The following ACSM2A variants were observed in gnomAD, a reference collection of about 807,000 sequenced individuals.
ACSM2A encodes the protein acyl-CoA synthetase medium chain family member 2A.
In ACSM2A, 72 loss-of-function variants were observed where a neutral mutation model predicts 76.6. The observed-to-expected ratio is 0.94, with a 90% CI of 0.78 to 1.14. ACSM2A has a LOEUF of 1.14. Among genes scored for constraint, ACSM2A ranks in the 50% most tolerant of loss-of-function variants. ACSM2A has a pLI of 0.00. For synonymous variants in ACSM2A, 249 were observed against 255.9 expected, an observed-to-expected ratio of 0.97 and a Z score of 0.26; for missense variants, 684 against 708.5, an observed-to-expected ratio of 0.97 and a Z score of 0.39.
At position 20,465,773 on chromosome 16, in the gene ACSM2A, A is replaced by C. The variant is rs1402553559; in HGVS notation, c.388+46A>C. On this transcript the variant is annotated intron_variant, in intron 3 of 13. Coordinates refer to ENST00000573854, the MANE Select transcript of ACSM2A (RefSeq NM_001308172.2). ...ACAGAGAACTGTCTTCCTTGTGAAG[A>C]AAACTGATAGCAGAGAAATGCAGCC... is the stretch of plus-strand genomic sequence containing the variant. 4 of 1,595,198 alleles carry C rather than the reference A, an allele frequency of 2.5e-6. No homozygotes were observed. The African/African-American group carries it at 5.4e-5, about 21-fold the overall frequency.
intron 1 of ACSM2A, among the ~76,000 whole-genome samples, chr16:20,458,759 G>A (rs908580431): frequency 3.0e-4 from 42 of 141,524 alleles, no homozygotes; most frequent in African/African-American, 9.7e-4. Context: ...AGCTTGGAAG[G>A]AAGAAAGGCA....
chr16:20,457,623 T>C (rs956189345), intron 1 of ACSM2A, among the ~76,000 whole-genome samples: 1 of 152,054 alleles, frequency 6.6e-6, no homozygotes, highest in Non-Finnish European at 1.5e-5. Flanking sequence ...CATCCTCTTA[T>C]GATTAAAACC....
At chr16:20,466,697 A>C (rs34796877) in intron 3 of ACSM2A, among the ~76,000 whole-genome samples, 1 of 139,932 alleles carries the variant, frequency 7.1e-6, no homozygotes, top group Non-Finnish European at 1.6e-5. Flanking sequence ...TCACAGAACT[A>C]GTTGAGTTAG....
intron 2 of ACSM2A, among the ~76,000 whole-genome samples, chr16:20,461,919 G>C (rs1272013907): frequency 1.3e-5 from 2 of 152,126 alleles, no homozygotes; most frequent in African/African-American, 4.8e-5. Flanking sequence ...AATTTGGAGG[G>C]CAGGGGGCTA....
intron 9 of ACSM2A, 148 bp downstream of exon 9, chr16:20,477,597 G>T (rs371289801): frequency 7.1e-7 from 1 of 1,412,992 alleles, no homozygotes; most frequent in Non-Finnish European, 9.3e-7. Context: ...GAGGTTGGGG[G>T]AAGGAAAGAG....
chr16:20,470,909 A>T, intron 4 of ACSM2A, 164 bp from the exon 5 acceptor site: 2 of 1,117,788 alleles, frequency 1.8e-6, no homozygotes, highest in Non-Finnish European at 2.6e-6. Flanking sequence ...CCCAACTCTG[A>T]TTGACTCAGA....
intron 9 of ACSM2A, 119 bp downstream of exon 9, chr16:20,477,568 A>C (rs1028529113): frequency 1.3e-5 from 19 of 1,452,380 alleles, no homozygotes; most frequent in Middle Eastern, 1.9e-4. Context: ...AAGATAACAT[A>C]AGAAAAAAAG....
intron 10 of ACSM2A, among the ~76,000 whole-genome samples, chr16:20,479,825 G>A (rs575759844): frequency 9.1e-4 from 139 of 152,294 alleles, no homozygotes; most frequent in African/African-American, 3.1e-3. Flanking sequence ...TCAATCCAGT[G>A]GCCAAGAAAC....
intron 4 of ACSM2A, chr16:20,470,724 G>T: frequency 2.1e-6 from 1 of 474,504 alleles, no homozygotes; most frequent in South Asian, 1.6e-5. Context: ...ACAACAATTA[G>T]ATTAGCATTT....
chr16:20,485,206 C>T (rs1033357787), intron 13 of ACSM2A, among the ~76,000 whole-genome samples: 28 of 152,100 alleles, frequency 1.8e-4, no homozygotes, highest in African/African-American at 6.3e-4. Flanking sequence ...AAAGATATTA[C>T]GAATGTTTAA....
At chr16:20,461,581 T>C (rs566695876) in intron 2 of ACSM2A, among the ~76,000 whole-genome samples, 10 of 152,118 alleles carry the variant, frequency 6.6e-5, no homozygotes, top group Non-Finnish European at 1.3e-4. Context: ...AAGTTAATAA[T>C]ATAAAGTGAG....
intron 4 of ACSM2A, among the ~76,000 whole-genome samples, chr16:20,470,576 C>T (rs1243946097): frequency 2.6e-5 from 4 of 152,158 alleles, no homozygotes; most frequent in Non-Finnish European, 5.9e-5. Flanking sequence ...CTTTTAAAGG[C>T]TCAAAATCAG....
intron 9 of ACSM2A, 40 bp from the exon 10 acceptor site, chr16:20,478,536 T>C: frequency 1.9e-6 from 3 of 1,601,542 alleles, no homozygotes; most frequent in East Asian, 2.2e-5. Flanking sequence ...AGCCATCTCC[T>C]GCTGTGTGCA....
chr16:20,454,693 G>A (rs2012016890), intron 1 of ACSM2A, among the ~76,000 whole-genome samples: 1 of 151,848 alleles, frequency 6.6e-6, no homozygotes, highest in South Asian at 2.1e-4. Context: ...CTCTAACATA[G>A]CCTACCCAAA....
intron 8 of ACSM2A, 104 bp downstream of exon 8, chr16:20,475,877 A>G: frequency 6.4e-7 from 1 of 1,563,562 alleles, no homozygotes; most frequent in Non-Finnish European, 8.6e-7. Flanking sequence ...CATCTATTCG[A>G]GAAGTATTTA....
chr16:20,480,900 C>T lies in ACSM2A; in HGVS notation c.1488C>T (p.Ser496=). ...TGGTTGAGACGGCTGTGATCAGCAGCCCAGACCCCGTCCGAGGAGAGGTGA... is the reference window on the plus strand; with the variant it reads ...TGGTTGAGACGGCTGTGATCAGCAGTCCAGACCCCGTCCGAGGAGAGGTGA... ...PAVVETAVIS[S]PDPVRGEVVK... is the part of the protein sequence containing the mutation. The change falls in exon 12 of 14, where the codon AGC becomes AGT. Residue 496 remains serine, a synonymous_variant. Coordinates refer to ENST00000573854, the MANE Select transcript of ACSM2A (RefSeq NM_001308172.2). 3.1e-6 allele frequency: 5 copies of T among 1,613,908 alleles called. No homozygotes were observed. Among genetic ancestry groups the T allele is most frequent in the Non-Finnish European group, 3.4e-6 (4 of 1,179,850 alleles).
intron 3 of ACSM2A, among the ~76,000 whole-genome samples, chr16:20,468,776 G>A (rs2013178070): frequency 6.6e-6 from 1 of 152,202 alleles, no homozygotes; most frequent in South Asian, 2.1e-4. Flanking sequence ...TCATTTATGT[G>A]CAAGGAATAA....
chr16:20,455,676 C>T (rs2012107789), intron 1 of ACSM2A, among the ~76,000 whole-genome samples: 1 of 147,544 alleles, frequency 6.8e-6, no homozygotes, highest in Non-Finnish European at 1.5e-5. Context: ...CCTGGAAACA[C>T]ATCAAAATAG....
chr16:20,457,663 C>A (rs2012272313), intron 1 of ACSM2A, among the ~76,000 whole-genome samples: 1 of 152,016 alleles, frequency 6.6e-6, no homozygotes, highest in Admixed American at 6.6e-5. Context: ...CATGGATATA[C>A]CTTAATGTAA....
Sources: allele counts gnomAD v4.1 joint callset (sites outside exome capture counted in the v4.1 genomes callset), GRCh38; gene constraint gnomAD v4.1.1; transcripts MANE v1.5; gene names NCBI Gene and HGNC (gene_info 2026-07-23, HGNC 2026-07-21).